Variants in CTNNA3 observed in about 807,000 individuals in gnomAD.
The protein encoded by CTNNA3 is catenin alpha 3, also known as catenin alpha-3.
In CTNNA3, 76 loss-of-function variants were observed where a neutral mutation model predicts 95.7. That is an observed-to-expected ratio of 0.79 (90% CI 0.66 to 0.96). The LOEUF is 0.96. Ranked by LOEUF, CTNNA3 falls within the 40% of genes least tolerant of loss-of-function variation. The pLI is 0.00. For synonymous variants in CTNNA3, 431 were observed against 374.4 expected (o/e 1.15, Z -1.74); for missense variants, 1,191 against 1,089.8 (o/e 1.09, Z -1.31).
Position 66,123,228 on chromosome 10 carries a change from A to G in CTNNA3, c.1885-19979T>C, listed in dbSNP as rs952671628. On this transcript the variant is annotated intron_variant, in intron 13 of 17. Transcript: ENST00000433211. ...GGCATTGGGTAAATACAGCAATTCC[A>G]AATGGGAGAAATTGGCCAAAACGAA... Among the ~76,000 whole-genome samples, 13 of 152,310 alleles carry G rather than the reference A, an allele frequency of 8.5e-5. No individual in the cohort carries two copies. The South Asian group carries it at 2.7e-3, about 32-fold the overall frequency.
intron 14 of CTNNA3, chr10:66,098,617 A>G (rs1417370184): frequency 6.6e-6 from 1 of 152,186 alleles, no homozygotes; most frequent in East Asian, 1.9e-4. Flanking sequence ...TAGAAATTTT[A>G]TTCTCTTTTA....
At chr10:66,258,215 G>A (rs969636598) in intron 13 of CTNNA3, among the ~76,000 whole-genome samples, 3 of 152,142 alleles carry the variant, frequency 2.0e-5, no homozygotes, top group Non-Finnish European at 4.4e-5. Flanking sequence ...TACAGTGTTA[G>A]TATCAAACAA....
At chr10:67,550,704 GAATAAAGA>G (rs1353597700) in intron 3 of CTNNA3, among the ~76,000 whole-genome samples, 1 of 146,940 alleles carries the variant, frequency 6.8e-6, no homozygotes, top group South Asian at 2.1e-4. Context: ...TTTATTCATA[GAATAAAGA>G]AATAGGTGAA....
At chr10:67,419,199 G>C (rs1304971218) in intron 5 of CTNNA3, among the ~76,000 whole-genome samples, 3 of 151,794 alleles carry the variant, frequency 2.0e-5, no homozygotes, top group Non-Finnish European at 4.4e-5. Context: ...TAAAATCTGA[G>C]AAACACTTAA....
rs1294096016 is a variant in CTNNA3, at chr10:66,072,007, T to C, written c.1978-2518A>G. Among the ~76,000 whole-genome samples the C allele has an allele frequency of 4.6e-5, 7 of 152,218 alleles. No homozygotes were observed. In the East Asian group the frequency reaches 5.8e-4, roughly 13 times the overall value. ...TTCTATAAAGGACAAGATAGTGATATATGCTTTGCAGCTCACACCATATCA... is the reference window on the plus strand; with the variant it reads ...TTCTATAAAGGACAAGATAGTGATACATGCTTTGCAGCTCACACCATATCA... On this transcript the variant is annotated intron_variant, in intron 14 of 17. Coordinates refer to ENST00000433211, the MANE Select transcript of CTNNA3 (RefSeq NM_013266.4).
chr10:67,579,289 T>C, intron 3 of CTNNA3, among the ~76,000 whole-genome samples: 1 of 144,694 alleles, frequency 6.9e-6, no homozygotes, highest in East Asian at 2.1e-4. Context: ...CACCTATGAG[T>C]GAGAACATGC....
intron 11 of CTNNA3, among the ~76,000 whole-genome samples, chr10:66,392,523 AC>A (rs1352855001): frequency 3.9e-5 from 6 of 152,136 alleles, no homozygotes; most frequent in Non-Finnish European, 2.9e-5. Context: ...TCAAGGATGT[AC>A]AAATAATTCT....
chr10:65,969,790 C>T (rs1039881962), intron 16 of CTNNA3, among the ~76,000 whole-genome samples: 4 of 152,012 alleles, frequency 2.6e-5, no homozygotes, highest in Non-Finnish European at 5.9e-5. Flanking sequence ...GTGGCCAAAC[C>T]TAAAAATTAG....
intron 4 of CTNNA3, among the ~76,000 whole-genome samples, chr10:67,532,719 A>T (rs1338435581): frequency 6.6e-6 from 1 of 152,204 alleles, no homozygotes; most frequent in Non-Finnish European, 1.5e-5. Flanking sequence ...GAAAGATGGG[A>T]CAGGGAAAGA....
intron 15 of CTNNA3, among the ~76,000 whole-genome samples, chr10:65,999,664 A>G (rs945876240): frequency 6.6e-6 from 1 of 152,194 alleles, no homozygotes; most frequent in Non-Finnish European, 1.5e-5. Flanking sequence ...ACAATTACTG[A>G]AACTATGATA....
At chr10:67,483,946 T>G (rs1848348598) in intron 5 of CTNNA3, among the ~76,000 whole-genome samples, 1 of 152,096 alleles carries the variant, frequency 6.6e-6, no homozygotes, top group African/African-American at 2.4e-5. Context: ...AAACTGCCAA[T>G]GACATTTTTC....
At chr10:67,325,465 A>T (rs940942084) in intron 5 of CTNNA3, among the ~76,000 whole-genome samples, 4 of 152,068 alleles carry the variant, frequency 2.6e-5, no homozygotes, top group African/African-American at 9.7e-5. Context: ...AGAACTTCTT[A>T]GTTTCTACCT....
At chr10:66,622,788 C>T (rs1232331889) in intron 9 of CTNNA3, among the ~76,000 whole-genome samples, 2 of 152,144 alleles carry the variant, frequency 1.3e-5, no homozygotes. Context: ...TAGCCACATG[C>T]AGTGGAAATA....
chr10:67,288,516 T>C (rs1274327537), intron 5 of CTNNA3, among the ~76,000 whole-genome samples: 3 of 152,170 alleles, frequency 2.0e-5, no homozygotes, highest in East Asian at 3.8e-4. Context: ...ATCTGTGCAT[T>C]TTTTCTCTTC....
At chr10:66,335,251 A>T (rs1006947280) in intron 12 of CTNNA3, among the ~76,000 whole-genome samples, 24 of 152,004 alleles carry the variant, frequency 1.6e-4, no homozygotes, top group Admixed American at 7.9e-4. Flanking sequence ...TTCTCTGTCC[A>T]CCTTTGTTCC....
At chr10:65,940,262 A>G in intron 17 of CTNNA3, among the ~76,000 whole-genome samples, 1 of 152,160 alleles carries the variant, frequency 6.6e-6, no homozygotes, top group East Asian at 1.9e-4. Flanking sequence ...AGTACTAGTC[A>G]ATATTGTTTC....
At chr10:67,072,634 T>G (rs1856528811) in intron 7 of CTNNA3, among the ~76,000 whole-genome samples, 1 of 152,168 alleles carries the variant, frequency 6.6e-6, no homozygotes, top group Non-Finnish European at 1.5e-5. Context: ...CCCTTGTTTA[T>G]CTATACTTGT....
intron 7 of CTNNA3, among the ~76,000 whole-genome samples, chr10:67,064,294 T>C (rs1855935298): frequency 6.6e-6 from 1 of 152,170 alleles, no homozygotes; most frequent in Non-Finnish European, 1.5e-5. Flanking sequence ...CACTATGTAT[T>C]AGCATTCTTG....
chr10:66,935,305 G>A (rs1005280768), intron 7 of CTNNA3, among the ~76,000 whole-genome samples: 1 of 152,010 alleles, frequency 6.6e-6, no homozygotes. Context: ...CCTCTCTAAG[G>A]TACAACAGTG....
Sources: allele counts gnomAD v4.1 joint callset (sites outside exome capture counted in the v4.1 genomes callset), GRCh38; gene constraint gnomAD v4.1.1; transcripts MANE v1.5; gene names NCBI Gene and HGNC (gene_info 2026-07-23, HGNC 2026-07-21).